The following ABLIM2 variants were observed in gnomAD, a reference collection of about 807,000 sequenced individuals.
ABLIM2 encodes the protein actin-binding LIM protein 2.
A neutral mutation model predicts 97.7 loss-of-function variants in ABLIM2; 53 were observed. That is an observed-to-expected ratio of 0.54 (90% CI 0.44 to 0.68). ABLIM2 has a LOEUF of 0.68. Ranked by LOEUF, ABLIM2 falls within the 30% of genes least tolerant of loss-of-function variation. The pLI is 0.00. For synonymous variants in ABLIM2, 361 were observed against 345.8 expected, an observed-to-expected ratio of 1.04 and a Z score of -0.49; for missense variants, 835 against 867.2, an observed-to-expected ratio of 0.96 and a Z score of 0.47.
rs1578204627 is a variant in ABLIM2, at chr4:7,996,403, C to T, written c.1619-3476G>A. On this transcript the variant is annotated intron_variant, in intron 16 of 20. Coordinates refer to ENST00000447017, the MANE Select transcript of ABLIM2 (RefSeq NM_001130083.2). This position sits in a 1 kb window ranked among gnomAD's most constrained non-coding sequence, Gnocchi z 4.5. Reference sequence around the variant, plus strand: ...AGTCACCTGGACAGCGTGCCAGGTTCCCAGTGCCCAGGCTGCCGCCGACCG... The same window carrying T: ...AGTCACCTGGACAGCGTGCCAGGTTTCCAGTGCCCAGGCTGCCGCCGACCG... Among the ~76,000 whole-genome samples the T allele has an allele frequency of 6.6e-6, 1 of 152,188 alleles. No individual in the cohort carries two copies. Among genetic ancestry groups the T allele is most frequent in the Non-Finnish European group, 1.5e-5 (1 of 68,042 alleles).
At chr4:8,106,754 G>C in intron 1 of ABLIM2, 117 bp from the exon 2 acceptor site, 1 of 1,235,958 alleles carries the variant, frequency 8.1e-7, no homozygotes, top group Middle Eastern at 2.0e-4. Context: ...GCACCCACCA[G>C]CACGAGCCGC....
chr4:8,009,796 T>A (rs1763724035), intron 14 of ABLIM2, among the ~76,000 whole-genome samples: 1 of 152,168 alleles, frequency 6.6e-6, no homozygotes, highest in Non-Finnish European at 1.5e-5. Flanking sequence ...GGGCTCTGGA[T>A]ACGCCACTGA....
intron 12 of ABLIM2, among the ~76,000 whole-genome samples, chr4:8,026,045 T>C (rs1405661139): frequency 1.3e-5 from 2 of 152,196 alleles, no homozygotes; most frequent in Non-Finnish European, 2.9e-5. Context: ...TCTTACTCTG[T>C]TGTCCAGGCT....
At chr4:8,135,222 G>A (rs1850018598) in intron 1 of ABLIM2, among the ~76,000 whole-genome samples, 1 of 152,228 alleles carries the variant, frequency 6.6e-6, no homozygotes, top group African/African-American at 2.4e-5. Context: ...CAACTGCAAT[G>A]CATGATTCTG....
Position 8,108,547 on chromosome 4 carries a change from G to T in ABLIM2, c.11-1910C>A, listed in dbSNP as rs188791654. 2.6e-3 allele frequency among the ~76,000 whole-genome samples: 392 copies of T among 152,318 alleles called. 2 individuals carry two copies. Among genetic ancestry groups the T allele is most frequent in the Non-Finnish European group, 2.2e-3 (149 of 68,022 alleles). On this transcript the variant is annotated intron_variant, in intron 1 of 20. Transcript: ENST00000447017. ...CAACCAGGAGGTTAAACAATAACTC[G>T]GTCCCACATGGCCAGGACTTGACTC...
At chr4:8,106,416 G>A in intron 2 of ABLIM2, 78 bp downstream of exon 2, 2 of 1,544,058 alleles carry the variant, frequency 1.3e-6, no homozygotes, top group Non-Finnish European at 1.8e-6. Flanking sequence ...GAGCTTCCCA[G>A]GAGGCTTTGC....
intron 17 of ABLIM2, among the ~76,000 whole-genome samples, chr4:7,987,059 T>TGCA (rs1395313402): frequency 7.2e-5 from 11 of 152,182 alleles, no homozygotes; most frequent in African/African-American, 2.7e-4. Flanking sequence ...CTCAGCTCAT[T>TGCA]GCAACCTCTG....
At chr4:8,051,936 A>G (rs1392179017) in intron 8 of ABLIM2, among the ~76,000 whole-genome samples, 1 of 152,138 alleles carries the variant, frequency 6.6e-6, no homozygotes, top group Admixed American at 6.5e-5. Flanking sequence ...TGCCACCTCG[A>G]GCCCGTGTAT....
intron 16 of ABLIM2, among the ~76,000 whole-genome samples, chr4:7,993,356 C>T (rs1750498781): frequency 6.6e-6 from 1 of 152,248 alleles, no homozygotes; most frequent in Non-Finnish European, 1.5e-5. Flanking sequence ...AGGCCCACCA[C>T]CAAGCACATG....
chr4:7,993,071 A>G (rs1432836226), intron 16 of ABLIM2, 144 bp from the exon 17 acceptor site: 2 of 803,432 alleles, frequency 2.5e-6, no homozygotes, highest in Non-Finnish European at 4.2e-6. Flanking sequence ...GACCTGCCTC[A>G]GTGGTGACCT....
In ABLIM2 at chr4:8,020,206, G is replaced by T. The variant is rs570419427; in HGVS notation, c.1365C>A (p.Val455=). 5.0e-6 allele frequency: 8 copies of T among 1,613,220 alleles called. No homozygotes were observed. The South Asian group carries it at 7.7e-5, about 16-fold the overall frequency. The stretch of plus-strand genomic sequence containing the variant: ...CCAGCGTGTCCCGGAGCCTACCTGG[G>T]ACGTGGAAGTGGCGAGGTGCCTGCT... The part of the protein sequence containing the change: ...TYQQAPRHFH[V]PDTGVKDNIY... The change falls in exon 13 of 21, where the codon GTC becomes GTA. Residue 455 remains valine, a synonymous_variant. Transcript: ENST00000447017.
chr4:8,085,371 C>T lies in ABLIM2; in HGVS notation c.454+2798G>A, dbSNP rs1311529972. On this transcript the variant is annotated intron_variant, in intron 4 of 20. Coordinates refer to ENST00000447017, the MANE Select transcript of ABLIM2 (RefSeq NM_001130083.2). The surrounding 1 kb of genome is among the most constrained non-coding windows in gnomAD (Gnocchi z 6.1). The stretch of plus-strand genomic sequence containing the variant: ...TGCTCCTCACGGCCTCCAGATGTAC[C>T]GAGAACACCACGGCGTGGCTTTGGA... Among the ~76,000 whole-genome samples, 5 of 152,316 alleles carry T rather than the reference C, an allele frequency of 3.3e-5. No homozygotes were observed. Among genetic ancestry groups the T allele is most frequent in the African/African-American group, 7.2e-5 (3 of 41,586 alleles).
chr4:7,978,178 C>T (rs1306606944), intron 20 of ABLIM2, among the ~76,000 whole-genome samples: 1 of 152,182 alleles, frequency 6.6e-6, no homozygotes, highest in Non-Finnish European at 1.5e-5. Flanking sequence ...CGCTCCTGCA[C>T]CCCCTCTGGC....
chr4:8,116,578 C>T (rs1480360969), intron 1 of ABLIM2, among the ~76,000 whole-genome samples: 2 of 152,182 alleles, frequency 1.3e-5, no homozygotes, highest in Admixed American at 6.5e-5. Context: ...TGTTGCACAT[C>T]CGGGGACTAT....
chr4:8,131,061 T>A (rs1389920421), intron 1 of ABLIM2, among the ~76,000 whole-genome samples: 2 of 152,168 alleles, frequency 1.3e-5, no homozygotes, highest in Non-Finnish European at 2.9e-5. Context: ...TCTCTTAGAA[T>A]AACTGTGATG....
At position 8,005,193 on chromosome 4, in the gene ABLIM2, C is replaced by T. The variant is rs535670956; in HGVS notation, c.1618+2866G>A. 9.3e-5 allele frequency: 39 copies of T among 421,236 alleles called. No individual in the cohort carries two copies. The highest frequency in any genetic ancestry group is 6.3e-4 in the East Asian group (10 of 15,820). 26.1% of individuals were successfully genotyped at this position (421,236 alleles called of 1,614,324 possible). A position where few individuals can be genotyped will look rare whatever the true frequency, so the allele number is the denominator to read the frequency against. The stretch of plus-strand genomic sequence containing the variant: ...GGCAGGCGGCGGCGGGATGCGTGTG[C>T]GCTCGCTCTGTCGGCGTCTCTGCCT... On this transcript the variant is annotated intron_variant, in intron 16 of 20. Coordinates refer to ENST00000447017, the MANE Select transcript of ABLIM2 (RefSeq NM_001130083.2). The surrounding 1 kb of genome is among the most constrained non-coding windows in gnomAD (Gnocchi z 4.9).
At chr4:8,078,688 G>A (rs1201626721) in intron 5 of ABLIM2, among the ~76,000 whole-genome samples, 1 of 152,194 alleles carries the variant, frequency 6.6e-6, no homozygotes, top group Non-Finnish European at 1.5e-5. Context: ...CCAGCTGTGT[G>A]ACCCTGGGCA....
rs1846083926 is a variant in ABLIM2, at chr4:8,122,832, C to G, written c.11-16195G>C. Among the ~76,000 whole-genome samples, 1 of 152,176 alleles carries G rather than the reference C, an allele frequency of 6.6e-6. No individual in the cohort carries two copies. Among genetic ancestry groups the G allele is most frequent in the East Asian group, 1.9e-4 (1 of 5,194 alleles). ...CAAGCAGGAATGCACCTCCCCAGGC[C>G]ACTGGGACCCAGGCCTCTCTGACCC... On this transcript the variant is annotated intron_variant, in intron 1 of 20. Coordinates refer to ENST00000447017, the MANE Select transcript of ABLIM2 (RefSeq NM_001130083.2). This position sits in a 1 kb window ranked among gnomAD's most constrained non-coding sequence, Gnocchi z 4.1.
intron 1 of ABLIM2, among the ~76,000 whole-genome samples, chr4:8,114,506 C>A (rs980012166): frequency 1.3e-4 from 20 of 152,298 alleles, no homozygotes; most frequent in Admixed American, 8.5e-4. Flanking sequence ...TCCAGGCCTC[C>A]CTACTGCCCC....
Sources: gnomAD v4.1 joint callset for allele counts (sites outside exome capture counted in the v4.1 genomes callset) on GRCh38, gnomAD v4.1.1 for gene constraint, Gnocchi (gnomAD v3.1) non-coding constraint, MANE v1.5 for transcripts, NCBI Gene and HGNC (gene_info 2026-07-23, HGNC 2026-07-21) for gene names.